ABCA4: variants seen among roughly 807,000 people sequenced by gnomAD.
The protein encoded by ABCA4 is retinal-specific phospholipid-transporting ATPase ABCA4.
ABCA4 carries 196 observed loss-of-function variants against 263.7 expected under a neutral mutation model. That is an observed-to-expected ratio of 0.74 (90% confidence interval 0.66 to 0.84). The LOEUF (loss-of-function observed/expected upper bound fraction) is 0.84, where lower values mean the gene tolerates loss of function less well. ABCA4 is among the 40% of genes least tolerant of loss of function. The probability of loss-of-function intolerance (pLI) is 0.00; values close to 1 mark genes in which losing one functional copy is unlikely to be tolerated. For missense variants in ABCA4, 2,792 were observed against 2,855.1 expected (o/e 0.98, Z 0.50); for synonymous variants, 1,133 against 1,094.2 (o/e 1.04, Z -0.70).
At chr1:94,054,701 G>A (rs997016339) in intron 16 of ABCA4, among the ~76,000 whole-genome samples, 1 of 152,118 alleles carries the variant, frequency 6.6e-6, no homozygotes, top group East Asian at 1.9e-4. Flanking sequence ...GTTGGAGGCC[G>A]GATAATGAAG....
intron 11 of ABCA4, among the ~76,000 whole-genome samples, chr1:94,074,199 GA>G (rs1661478512): frequency 6.6e-6 from 1 of 152,184 alleles, no homozygotes; most frequent in Non-Finnish European, 1.5e-5. Flanking sequence ...AGAGGCTTCA[GA>G]AATAGCACCA....
At chr1:94,017,858 TTAAAG>T (rs1324752228) in intron 36 of ABCA4, among the ~76,000 whole-genome samples, 3 of 152,346 alleles carry the variant, frequency 2.0e-5, no homozygotes, top group East Asian at 1.9e-4. Flanking sequence ...TTGCAAAATT[TTAAAG>T]TAAAGAAAAA....
intron 4 of ABCA4, among the ~76,000 whole-genome samples, chr1:94,103,938 A>G (rs1662351507): frequency 6.6e-6 from 1 of 152,212 alleles, no homozygotes; most frequent in Non-Finnish European, 1.5e-5. Context: ...AAGAACACCT[A>G]ACAGTTAAGG....
chr1:94,093,718 C>T (rs374022543), intron 6 of ABCA4, among the ~76,000 whole-genome samples: 1 of 152,226 alleles, frequency 6.6e-6, no homozygotes, highest in East Asian at 1.9e-4. Flanking sequence ...GAAAAGACAT[C>T]AAGGCAGGCA....
At chr1:94,114,823 G>C (rs1046689039) in intron 1 of ABCA4, among the ~76,000 whole-genome samples, 9 of 152,166 alleles carry the variant, frequency 5.9e-5, no homozygotes, top group African/African-American at 1.9e-4. Context: ...CGCACTTCAG[G>C]TTCATCACTC....
At chr1:94,036,853 A>G (rs1660351580) in intron 25 of ABCA4, 65 bp from the exon 26 acceptor site, 9 of 1,528,922 alleles carry the variant, frequency 5.9e-6, no homozygotes, top group Middle Eastern at 1.7e-4. Context: ...AATCTAACCC[A>G]AGCTCTGTTT....
intron 30 of ABCA4, among the ~76,000 whole-genome samples, chr1:94,027,647 A>G (rs1660078578): frequency 6.6e-6 from 1 of 152,226 alleles, no homozygotes; most frequent in Non-Finnish European, 1.5e-5. Context: ...TTCTTGGCCT[A>G]GAACCATTTA....
At chr1:94,113,148 C>T in intron 1 of ABCA4, 82 bp from the exon 2 acceptor site, 1 of 1,303,954 alleles carries the variant, frequency 7.7e-7, no homozygotes, top group Non-Finnish European at 1.1e-6. Context: ...ACACAGCCCT[C>T]CTCAGATCCC....
At chr1:94,038,168 G>A (rs745720620) in intron 24 of ABCA4, among the ~76,000 whole-genome samples, 7 of 151,764 alleles carry the variant, frequency 4.6e-5, no homozygotes, top group Non-Finnish European at 7.4e-5. Flanking sequence ...GAGAGGCTGG[G>A]GGAGAGGGTA....
Position 94,043,490 on chromosome 1 carries a change from C to A in ABCA4, c.3051-15G>T, listed in dbSNP as rs200223777. On this transcript the variant is annotated splice_polypyrimidine_tract_variant and intron_variant, in intron 20 of 49. Transcript: ENST00000370225. ...CCACCGTGAGGCTAGGAGGATGGGACAACGAGAAAAGCAGTGGCTTAGCAC... is the reference window on the plus strand; with the variant it reads ...CCACCGTGAGGCTAGGAGGATGGGAAAACGAGAAAAGCAGTGGCTTAGCAC... 9.8e-5 allele frequency: 158 copies of A among 1,613,964 alleles called. No individual in the cohort carries two copies. Among genetic ancestry groups the A allele is most frequent in the Middle Eastern group, 1.6e-4 (1 of 6,084 alleles).
Position 94,096,840 on chromosome 1 carries a change from C to T in ABCA4, c.768+1954G>A, listed in dbSNP as rs146394195. 3.3e-3 allele frequency among the ~76,000 whole-genome samples: 497 copies of T among 152,272 alleles called. 1 individual carries two copies. Among genetic ancestry groups the T allele is most frequent in the Non-Finnish European group, 5.7e-3 (387 of 68,026 alleles). Reference sequence around the variant, plus strand: ...AATGATGCTGCTCCCTTCATGGTGACGAGAGGATTGCACGAACCTGGGTAC... The same window carrying T: ...AATGATGCTGCTCCCTTCATGGTGATGAGAGGATTGCACGAACCTGGGTAC... On this transcript the variant is annotated intron_variant, in intron 6 of 49. Transcript: ENST00000370225.
At chr1:94,006,111 AC>A (rs1217284015) in intron 43 of ABCA4, among the ~76,000 whole-genome samples, 1 of 152,126 alleles carries the variant, frequency 6.6e-6, no homozygotes, top group Non-Finnish European at 1.5e-5. Flanking sequence ...TAATATATTC[AC>A]CCCCACTAAA....
At chr1:94,002,996 C>T (rs996694541) in intron 44 of ABCA4, among the ~76,000 whole-genome samples, 4 of 117,552 alleles carry the variant, frequency 3.4e-5, no homozygotes, top group Admixed American at 7.7e-5. Flanking sequence ...CCTTCTCTCT[C>T]TCACACACAA....
intron 35 of ABCA4, 29 bp downstream of exon 35, chr1:94,021,211 G>T (rs760292988): frequency 6.2e-7 from 1 of 1,613,966 alleles, no homozygotes; most frequent in Non-Finnish European, 8.5e-7. Context: ...TGACAAGAAA[G>T]TGGTGAGGCT....
intron 19 of ABCA4, among the ~76,000 whole-genome samples, chr1:94,046,702 G>A (rs534071659): frequency 2.0e-5 from 3 of 152,172 alleles, no homozygotes; most frequent in South Asian, 2.1e-4. Context: ...CCACTTCCCC[G>A]GCACACAAAA....
At chr1:94,042,439 G>T (rs1294850006) in intron 22 of ABCA4, among the ~76,000 whole-genome samples, 1 of 152,238 alleles carries the variant, frequency 6.6e-6, no homozygotes, top group Non-Finnish European at 1.5e-5. Flanking sequence ...TATGTTTGCA[G>T]GTGACCTGGG....
At chr1:94,082,272 T>A (rs561482922) in intron 7 of ABCA4, among the ~76,000 whole-genome samples, 4 of 152,346 alleles carry the variant, frequency 2.6e-5, no homozygotes, top group Non-Finnish European at 5.9e-5. Flanking sequence ...AATGGTGTAA[T>A]ACCAATTCAT....
At chr1:94,069,841 G>C (rs948868424) in intron 11 of ABCA4, among the ~76,000 whole-genome samples, 2 of 152,116 alleles carry the variant, frequency 1.3e-5, no homozygotes, top group African/African-American at 4.8e-5. Context: ...CAGAGAGTAA[G>C]GAAACACATG....
At chr1:94,033,051 G>C (rs917698594) in intron 26 of ABCA4, among the ~76,000 whole-genome samples, 5 of 152,114 alleles carry the variant, frequency 3.3e-5, no homozygotes, top group African/African-American at 1.2e-4. Context: ...ACTGAGGTTT[G>C]AATATGGATT....
Sources: gnomAD v4.1 joint callset for allele counts (sites outside exome capture counted in the v4.1 genomes callset) on GRCh38, gnomAD v4.1.1 for gene constraint, MANE v1.5 for transcripts, NCBI Gene and HGNC (gene_info 2026-07-23, HGNC 2026-07-21) for gene names.